The following MFSD11 variants were observed in gnomAD, a reference collection of about 807,000 sequenced individuals.
The protein encoded by MFSD11 is major facilitator superfamily domain containing 11.
A neutral mutation model predicts 53.5 loss-of-function variants in MFSD11; 36 were observed. That is an observed-to-expected ratio of 0.67 (90% CI 0.52 to 0.89). MFSD11 has a LOEUF of 0.89. Among genes scored for constraint, MFSD11 ranks in the 40% least tolerant of loss-of-function variants. The pLI is 0.00. For missense variants in MFSD11, 530 were observed against 543.9 expected, an observed-to-expected ratio of 0.97 and a Z score of 0.25; for synonymous variants, 186 against 184.9, an observed-to-expected ratio of 1.01 and a Z score of -0.05.
At chr17:76,802,360 T>A in the MFSD11 span, among the ~76,000 whole-genome samples, 2 of 152,192 alleles carry the variant, frequency 1.3e-5, no homozygotes, top group Non-Finnish European at 2.9e-5. Flanking sequence ...CCCTCACATA[T>A]GGCTAACAAG....
At chr17:76,736,714 G>T (rs940411297), upstream of MFSD11, 29 of 1,343,376 alleles carry the variant, frequency 2.2e-5, no homozygotes, top group Non-Finnish European at 2.7e-5. Context: ...CCCGCACCAC[G>T]TGCTTCGCCG....
chr17:76,777,485 T>G (rs2081954801), intron 12 of MFSD11, among the ~76,000 whole-genome samples: 1 of 152,192 alleles, frequency 6.6e-6, no homozygotes, highest in South Asian at 2.1e-4. Flanking sequence ...TCCGCCCGCT[T>G]GGGCCCCACA....
intron 10 of MFSD11, among the ~76,000 whole-genome samples, 160 bp downstream of exon 10, chr17:76,770,031 CTTTT>C (rs367900405): frequency 2.3e-5 from 3 of 131,074 alleles, no homozygotes; most frequent in South Asian, 2.4e-4. Context: ...TATTCTTTTT[CTTTT>C]TTTTTTTTTT....
chr17:76,764,495 C>T (rs748454749), intron 8 of MFSD11, among the ~76,000 whole-genome samples: 4 of 152,338 alleles, frequency 2.6e-5, no homozygotes, highest in African/African-American at 9.6e-5. Context: ...TAAGTAAGAT[C>T]ATGCAGTATT....
intron 8 of MFSD11, among the ~76,000 whole-genome samples, chr17:76,760,366 T>C (rs1188954017): frequency 2.0e-5 from 3 of 151,888 alleles, no homozygotes; most frequent in Admixed American, 1.3e-4. Context: ...TTCATCCTCA[T>C]CATCACATTG....
chr17:76,739,665 T>A (rs1014939618), intron 2 of MFSD11, among the ~76,000 whole-genome samples: 3 of 152,228 alleles, frequency 2.0e-5, no homozygotes, highest in Admixed American at 2.0e-4. Context: ...TACATTGAGC[T>A]GTAGAAACAG....
intron 8 of MFSD11, among the ~76,000 whole-genome samples, chr17:76,765,012 T>A (rs2080692207): frequency 6.6e-6 from 1 of 152,214 alleles, no homozygotes; most frequent in Admixed American, 6.5e-5. Flanking sequence ...GTTTTTAATT[T>A]TGATGTAGTC....
chr17:76,763,263 T>A (rs1170285908), intron 8 of MFSD11, among the ~76,000 whole-genome samples: 1 of 151,810 alleles, frequency 6.6e-6, no homozygotes, highest in African/African-American at 2.4e-5. Flanking sequence ...TCTGTTTTTT[T>A]GTTTTTTGTT....
At chr17:76,795,956 C>T in the MFSD11 span, among the ~76,000 whole-genome samples, 5 of 151,986 alleles carry the variant, frequency 3.3e-5, no homozygotes, top group South Asian at 2.1e-4. Flanking sequence ...TGAGCCACCA[C>T]GCCTGGCCGA....
chr17:76,738,514 A>C, intron 1 of MFSD11, 66 bp downstream of exon 1: 1 of 1,196,792 alleles, frequency 8.4e-7, no homozygotes, highest in South Asian at 1.3e-5. Context: ...AATGAAAATA[A>C]ACGTTCATTA....
In MFSD11 at chr17:76,738,976, C is replaced by A. The variant is rs747604946; in HGVS notation, c.135C>A (p.His45Gln). 1.2e-6 allele frequency: 2 copies of A among 1,613,554 alleles called. No individual in the cohort carries two copies. The highest frequency in any genetic ancestry group is 4.5e-5 in the East Asian group (2 of 44,896). Residue 45 changes from histidine (H) to glutamine (Q), a missense_variant, in exon 2 of 13, where the codon CAC (histidine) becomes CAA (glutamine). His to Gln is a conservative substitution (Grantham distance 24). Coordinates refer to ENST00000685175, the MANE Select transcript of MFSD11 (RefSeq NM_001242532.5). ...GGAGCTTAAATAGGACAGATTTTCA[C>A]GGCAGTGGATATACCAGGTATTGTA... is the stretch of plus-strand genomic sequence containing the variant. ...VIRSLNRTDFHGSGYTSMAII... is the reference protein window; with the variant it reads ...VIRSLNRTDFQGSGYTSMAII...
Position 76,744,359 on chromosome 17 carries a change from G to C in MFSD11, c.534G>C (p.Val178=), listed in dbSNP as rs2078364868. 6.2e-7 allele frequency: 1 copy of C among 1,614,056 alleles called. No homozygotes were observed. The highest frequency in any genetic ancestry group is 8.5e-7 in the Non-Finnish European group (1 of 1,179,982). The part of the protein sequence containing the change: ...DRRTVFIALT[V]ISLVGTVLFF... ...GAACAGTGTTTATTGCCCTAACGGT[G>C]ATTAGCCTTGTGGGGACAGTTCTAT... Residue 178 remains valine, a synonymous_variant, in exon 7 of 13, where the codon GTG becomes GTC. Coordinates refer to ENST00000685175, the MANE Select transcript of MFSD11 (RefSeq NM_001242532.5).
chr17:76,795,104 T>G, the MFSD11 span, among the ~76,000 whole-genome samples: 1 of 152,112 alleles, frequency 6.6e-6, no homozygotes, highest in Non-Finnish European at 1.5e-5. Flanking sequence ...ACTGAACATG[T>G]GCAGACTTTT....
chr17:76,769,960 G>A, intron 10 of MFSD11, 89 bp downstream of exon 10: 1 of 1,206,610 alleles, frequency 8.3e-7, no homozygotes, highest in Non-Finnish European at 1.2e-6. Context: ...CTTTGTCCTT[G>A]AATTTCTGTT....
chr17:76,781,891 G>A (rs1048820011), downstream of MFSD11, among the ~76,000 whole-genome samples: 1 of 152,066 alleles, frequency 6.6e-6, no homozygotes, highest in African/African-American at 2.4e-5. Context: ...GCACAGTCAT[G>A]GCTCACTGCA....
chr17:76,785,179 G>A (rs994382318), downstream of MFSD11, among the ~76,000 whole-genome samples: 2 of 152,308 alleles, frequency 1.3e-5, no homozygotes, highest in South Asian at 4.1e-4. Flanking sequence ...TGGACCTGGA[G>A]GACATTATCG....
chr17:76,789,842 T>C, the MFSD11 span, among the ~76,000 whole-genome samples: 5 of 150,352 alleles, frequency 3.3e-5, no homozygotes, highest in African/African-American at 4.9e-5. Context: ...TGGTCACTCA[T>C]ATTGGCTCAG....
At chr17:76,738,473 C>T (rs1329800890) in intron 1 of MFSD11, 25 bp downstream of exon 1, 1 of 1,516,616 alleles carries the variant, frequency 6.6e-7, no homozygotes, top group African/African-American at 1.4e-5. Context: ...GTCCTCCCTC[C>T]TTTGAAGTGC....
At chr17:76,784,814 G>A (rs1444423645), downstream of MFSD11, among the ~76,000 whole-genome samples, 2 of 152,028 alleles carry the variant, frequency 1.3e-5, no homozygotes, top group African/African-American at 4.8e-5. Context: ...CAGGATAATC[G>A]CTGGAACCCA....
Sources: gnomAD v4.1 joint callset for allele counts (sites outside exome capture counted in the v4.1 genomes callset) on GRCh38, gnomAD v4.1.1 for gene constraint, MANE v1.5 for transcripts, NCBI Gene and HGNC (gene_info 2026-07-23, HGNC 2026-07-21) for gene names.